MTHFD1: variants seen among roughly 807,000 people sequenced by gnomAD.
MTHFD1 encodes C-1-tetrahydrofolate synthase, cytoplasmic.
Under a neutral mutation model 110.3 loss-of-function variants are expected in MTHFD1, and 44 were observed. The observed-to-expected ratio is 0.40, with a 90% confidence interval of 0.31 to 0.51. The LOEUF is 0.51. Among genes scored for constraint, MTHFD1 ranks in the 20% least tolerant of loss-of-function variants. MTHFD1 has a pLI of 0.60. For missense variants in MTHFD1, 909 were observed against 1,173.1 expected (o/e 0.77, Z 3.29); for synonymous variants, 402 against 428.8 (o/e 0.94, Z 0.77).
chr14:64,459,996 A>G lies in MTHFD1; in HGVS notation c.*242A>G. On this transcript the variant is annotated 3_prime_UTR_variant, in exon 28 of 28. Coordinates refer to ENST00000652337, the MANE Select transcript of MTHFD1 (RefSeq NM_005956.4). ...GACGTTCCACAGAATAAAAGGAAACAAGTTTGCCATCTTGGTGTTGCAATA... is the reference window on the plus strand; with the variant it reads ...GACGTTCCACAGAATAAAAGGAAACGAGTTTGCCATCTTGGTGTTGCAATA... The G allele has an allele frequency of 1.4e-6, 2 of 1,391,594 alleles. No homozygotes were observed. Among genetic ancestry groups the G allele is most frequent in the Non-Finnish European group, 1.9e-6 (2 of 1,026,960 alleles). 86.2% of individuals were successfully genotyped at this position (1,391,594 alleles called of 1,614,324 possible). A position where few individuals can be genotyped will look rare whatever the true frequency, so the allele number is the denominator to read the frequency against.
At position 64,412,451 on chromosome 14, in the gene MTHFD1, C is replaced by T. The variant is rs770700612; in HGVS notation, c.187-21C>T. On this transcript the variant is annotated intron_variant, in intron 3 of 27. Coordinates refer to ENST00000652337, the MANE Select transcript of MTHFD1 (RefSeq NM_005956.4). ...CTCAAGTTGTCTTGCCATTTACCTG[C>T]TTTTAATGTCTGTTTTGCAGATTGG... 6.3e-6 allele frequency: 10 copies of T among 1,599,854 alleles called. No homozygotes were observed. The Admixed American group carries it at 8.3e-5, about 13-fold the overall frequency.
intron 12 of MTHFD1, among the ~76,000 whole-genome samples, chr14:64,427,678 A>C (rs921094574): frequency 6.6e-6 from 1 of 152,214 alleles, no homozygotes; most frequent in Non-Finnish European, 1.5e-5. Flanking sequence ...TGGCCACTGC[A>C]CAGGGATTCT....
intron 1 of MTHFD1, among the ~76,000 whole-genome samples, chr14:64,393,591 C>T (rs1258093064): frequency 1.3e-5 from 2 of 152,106 alleles, no homozygotes; most frequent in Non-Finnish European, 2.9e-5. Context: ...CAGGTTGCAG[C>T]GATAGTGCAG....
At chr14:64,410,691 T>C (rs894582453) in intron 2 of MTHFD1, among the ~76,000 whole-genome samples, 1 of 152,202 alleles carries the variant, frequency 6.6e-6, no homozygotes, top group Non-Finnish European at 1.5e-5. Context: ...GAATGTGCCC[T>C]CTGGGTGCTC....
intron 1 of MTHFD1, chr14:64,390,349 G>A (rs2077794584): frequency 1.7e-5 from 2 of 118,804 alleles, no homozygotes; most frequent in Non-Finnish European, 3.3e-5. Context: ...GCTGCCTTGA[G>A]ATCTATTTTT....
At chr14:64,427,092 G>T (rs2078124665) in intron 11 of MTHFD1, among the ~76,000 whole-genome samples, 1 of 151,044 alleles carries the variant, frequency 6.6e-6, no homozygotes, top group Non-Finnish European at 1.5e-5. Context: ...GGTTTGCTCT[G>T]TTGCCCAGGC....
chr14:64,442,181 A>C lies in MTHFD1; in HGVS notation c.1996+16A>C. 2.5e-6 allele frequency: 4 copies of C among 1,614,064 alleles called. No homozygotes were observed. Among genetic ancestry groups the C allele is most frequent in the Non-Finnish European group, 2.5e-6 (3 of 1,179,876 alleles). ...GGGTTTGTAGGTTAGTGTTTTTTGC[A>C]AAACCAGTGAATAGACTGTATGTTT... On this transcript the variant is annotated intron_variant, in intron 20 of 27. Coordinates refer to ENST00000652337, the MANE Select transcript of MTHFD1 (RefSeq NM_005956.4).
intron 2 of MTHFD1, among the ~76,000 whole-genome samples, chr14:64,402,742 G>A (rs975041671): frequency 1.3e-4 from 19 of 151,908 alleles, no homozygotes; most frequent in Non-Finnish European, 2.4e-4. Context: ...CCAGGAAGTC[G>A]AGGCTGCAGG....
intron 1 of MTHFD1, among the ~76,000 whole-genome samples, chr14:64,397,495 A>G (rs2077867585): frequency 6.6e-6 from 1 of 151,922 alleles, no homozygotes; most frequent in Admixed American, 6.6e-5. Flanking sequence ...GGGTTTCACC[A>G]TATTGGCCAG....
intron 16 of MTHFD1, among the ~76,000 whole-genome samples, chr14:64,436,331 T>C (rs1273526728): frequency 2.0e-5 from 3 of 152,176 alleles, no homozygotes; most frequent in Non-Finnish European, 4.4e-5. Context: ...CCTGACCTCA[T>C]GATCCGCCCA....
At chr14:64,395,852 A>C (rs1419837021) in intron 1 of MTHFD1, among the ~76,000 whole-genome samples, 1 of 152,154 alleles carries the variant, frequency 6.6e-6, no homozygotes, top group Admixed American at 6.5e-5. Flanking sequence ...GCTTAATGTG[A>C]GTTATTGTGT....
intron 21 of MTHFD1, among the ~76,000 whole-genome samples, chr14:64,444,414 G>A (rs1301032568): frequency 6.6e-6 from 1 of 151,910 alleles, no homozygotes; most frequent in African/African-American, 2.4e-5. Context: ...CACTGCACCT[G>A]CTTGGTACAC....
chr14:64,410,520 C>T (rs1596536791), intron 2 of MTHFD1, among the ~76,000 whole-genome samples: 1 of 152,158 alleles, frequency 6.6e-6, no homozygotes, highest in Non-Finnish European at 1.5e-5. Context: ...GTTGCTGCAC[C>T]CGGCCTCCTC....
At position 64,459,809 on chromosome 14, in the gene MTHFD1, T is replaced by G; in HGVS notation, c.*55T>G. ...CTTTGAAAGTCTGGCCAGTGTCTAT[T>G]CAGGCCCACTGGGAGTTAGGAAGTA... On this transcript the variant is annotated 3_prime_UTR_variant, in exon 28 of 28. Coordinates refer to ENST00000652337, the MANE Select transcript of MTHFD1 (RefSeq NM_005956.4). 2 of 1,535,870 alleles carry G rather than the reference T, an allele frequency of 1.3e-6. No individual in the cohort carries two copies. Among genetic ancestry groups the G allele is most frequent in the Non-Finnish European group, 1.7e-6 (2 of 1,146,650 alleles).
chr14:64,415,279 A>G (rs2078016436), intron 4 of MTHFD1, 79 bp from the exon 5 acceptor site: 1 of 1,284,756 alleles, frequency 7.8e-7, no homozygotes, highest in East Asian at 2.3e-5. Flanking sequence ...AGGGCAACCT[A>G]ATTTTTGCCT....
chr14:64,441,345 T>A (rs2078245294), intron 18 of MTHFD1, 40 bp from the exon 19 acceptor site: 5 of 1,603,168 alleles, frequency 3.1e-6, no homozygotes, highest in Non-Finnish European at 3.4e-6. Context: ...TTGGGTTTTT[T>A]TGCTGGTGGG....
At chr14:64,411,673 G>A (rs2077985586) in intron 3 of MTHFD1, among the ~76,000 whole-genome samples, 1 of 152,200 alleles carries the variant, frequency 6.6e-6, no homozygotes, top group Non-Finnish European at 1.5e-5. Context: ...GCCGAGGCGG[G>A]CGGATCACCT....
intron 24 of MTHFD1, among the ~76,000 whole-genome samples, chr14:64,449,873 C>T (rs573920893): frequency 3.3e-5 from 5 of 152,272 alleles, no homozygotes; most frequent in Non-Finnish European, 7.3e-5. Flanking sequence ...ACTGCAACCT[C>T]TGCCTCCTGG....
chr14:64,393,747 G>C (rs2077825492), intron 1 of MTHFD1, among the ~76,000 whole-genome samples: 2 of 152,192 alleles, frequency 1.3e-5, no homozygotes, highest in African/African-American at 4.8e-5. Flanking sequence ...GCAGAGGTCT[G>C]TGGTTCCCTG....
Sources: allele counts gnomAD v4.1 joint callset (sites outside exome capture counted in the v4.1 genomes callset), GRCh38; gene constraint gnomAD v4.1.1; transcripts MANE v1.5; gene names NCBI Gene and HGNC (gene_info 2026-07-23, HGNC 2026-07-21).